Variants in TMTC1 observed in about 807,000 individuals in gnomAD.
The protein encoded by TMTC1 is transmembrane O-mannosyltransferase targeting cadherins 1, also known as protein O-mannosyl-transferase TMTC1.
In TMTC1, 73 loss-of-function variants were observed where a neutral mutation model predicts 104.8. The observed-to-expected ratio is 0.70, with a 90% CI of 0.58 to 0.85. The LOEUF (loss-of-function observed/expected upper bound fraction) is 0.85. Ranked by LOEUF, TMTC1 falls within the 40% of genes least tolerant of loss-of-function variation. The pLI, the probability that TMTC1 is intolerant of heterozygous loss-of-function variation, is 0.00. For missense variants in TMTC1, 1,035 were observed against 1,096.1 expected (o/e 0.94, Z 0.79); for synonymous variants, 434 against 428.7 (o/e 1.01, Z -0.15).
intron 5 of TMTC1, among the ~76,000 whole-genome samples, chr12:29,726,874 T>C (rs1942405638): frequency 1.3e-5 from 2 of 151,630 alleles, no homozygotes; most frequent in Non-Finnish European, 2.9e-5. Flanking sequence ...CCCTTCCAAA[T>C]ATCTACACGA....
intron 5 of TMTC1, among the ~76,000 whole-genome samples, chr12:29,645,295 C>T (rs1188833056): frequency 6.6e-6 from 1 of 152,170 alleles, no homozygotes; most frequent in Non-Finnish European, 1.5e-5. Context: ...GAAGATTCTG[C>T]CTTTTTGTAG....
chr12:29,617,819 G>T (rs574039023), intron 6 of TMTC1, among the ~76,000 whole-genome samples: 2 of 152,282 alleles, frequency 1.3e-5, no homozygotes, highest in East Asian at 3.9e-4. Context: ...AGTGGGGGTT[G>T]GATGGGACCA....
At chr12:29,651,285 T>C (rs1172704960) in intron 5 of TMTC1, among the ~76,000 whole-genome samples, 5 of 152,214 alleles carry the variant, frequency 3.3e-5, no homozygotes, top group Non-Finnish European at 7.3e-5. Flanking sequence ...GAAATAATGA[T>C]GACTGAACTG....
In TMTC1 at chr12:29,512,184, C is replaced by A. The variant is rs984730535; in HGVS notation, c.2431-64G>T. On this transcript the variant is annotated intron_variant, in intron 16 of 17. Coordinates refer to ENST00000539277, the MANE Select transcript of TMTC1 (RefSeq NM_001193451.2). ...CCTCCAAACTCCAGGATTGCAGAAA[C>A]CACTTTCTTCACGTGTGAAAATTTA... 6.1e-5 allele frequency: 82 copies of A among 1,344,448 alleles called. 1 individual carries two copies. In the South Asian group the frequency reaches 1.0e-3, roughly 17 times the overall value. 83.3% of individuals were successfully genotyped at this position (1,344,448 alleles called of 1,614,324 possible). A position where few individuals can be genotyped will look rare whatever the true frequency, so the allele number is the denominator to read the frequency against.
intron 5 of TMTC1, among the ~76,000 whole-genome samples, chr12:29,678,748 C>T (rs1489226075): frequency 1.3e-5 from 2 of 152,010 alleles, no homozygotes; most frequent in East Asian, 3.9e-4. Flanking sequence ...ATGTGAGATG[C>T]TCTAAAGAAC....
At chr12:29,667,386 T>C (rs960561187) in intron 5 of TMTC1, among the ~76,000 whole-genome samples, 13 of 152,242 alleles carry the variant, frequency 8.5e-5, no homozygotes, top group African/African-American at 2.9e-4. Flanking sequence ...AAGGCTATGA[T>C]AAATTTTCCT....
chr12:29,616,252 G>A (rs1946975130), intron 6 of TMTC1, among the ~76,000 whole-genome samples: 1 of 152,182 alleles, frequency 6.6e-6, no homozygotes, highest in Admixed American at 6.5e-5. Flanking sequence ...AACTGCTCTA[G>A]CAGAATGAAA....
intron 5 of TMTC1, among the ~76,000 whole-genome samples, chr12:29,644,343 A>C (rs114935544): frequency 0.013 from 1,915 of 151,618 alleles, 40 homozygotes; most frequent in African/African-American, 0.041. Context: ...ATGACACAAC[A>C]GACTTTGGGG....
chr12:29,520,085 C>T (rs561854381), intron 12 of TMTC1, among the ~76,000 whole-genome samples: 2 of 152,254 alleles, frequency 1.3e-5, no homozygotes, highest in South Asian at 4.1e-4. Context: ...AATTCATGCC[C>T]AGTAATGTTT....
At chr12:29,761,058 G>A (rs1012137790) in intron 2 of TMTC1, among the ~76,000 whole-genome samples, 1 of 147,002 alleles carries the variant, frequency 6.8e-6, no homozygotes, top group African/African-American at 2.5e-5. Flanking sequence ...ATATTAATAA[G>A]TATTATATGT....
At chr12:29,664,946 G>A (rs932052306) in intron 5 of TMTC1, among the ~76,000 whole-genome samples, 4 of 152,124 alleles carry the variant, frequency 2.6e-5, no homozygotes, top group African/African-American at 9.7e-5. Context: ...TAAGGGTCCA[G>A]GGTTCTATTC....
At position 29,745,618 on chromosome 12, in the gene TMTC1, C is replaced by CAAAAAAAAA. The variant is rs71444341; in HGVS notation, c.938+6039_938+6047dup. On this transcript the variant is annotated intron_variant, in intron 5 of 17. Transcript: ENST00000539277. ...CCTGAGCAACAGAGCGAGACTCAAT[C>CAAAAAAAAA]AAAAAAAAAAAAAAAAAAAAAGAAA... 7.1e-3 allele frequency among the ~76,000 whole-genome samples: 593 copies of CAAAAAAAAA among 83,468 alleles called. 7 individuals carry two copies. Among genetic ancestry groups the CAAAAAAAAA allele is most frequent in the Non-Finnish European group, 0.01 (450 of 44,090 alleles). The allele number at this position is 83,468 out of a possible 152,430, so 54.8% of individuals were successfully genotyped here. A position where few individuals can be genotyped will look rare whatever the true frequency, so the allele number is the denominator to read the frequency against.
chr12:29,517,105 C>T (rs1241971010), intron 14 of TMTC1, among the ~76,000 whole-genome samples: 3 of 152,096 alleles, frequency 2.0e-5, no homozygotes, highest in African/African-American at 4.8e-5. Flanking sequence ...CATGTAGGTA[C>T]ATATACATCT....
At chr12:29,707,128 C>A (rs1048954485) in intron 5 of TMTC1, among the ~76,000 whole-genome samples, 1 of 152,048 alleles carries the variant, frequency 6.6e-6, no homozygotes, top group Admixed American at 6.5e-5. Context: ...TGCTTTTCAC[C>A]TCGTGGATGT....
At chr12:29,712,928 G>A (rs11050404) in intron 5 of TMTC1, among the ~76,000 whole-genome samples, 1,926 of 152,144 alleles carry the variant, frequency 0.013, 37 homozygotes, top group African/African-American at 0.043. Flanking sequence ...TCTAGGCTAC[G>A]GTGTTCAGTT....
chr12:29,670,967 GATACCAAGAT>G (rs1940486385), intron 5 of TMTC1, among the ~76,000 whole-genome samples: 1 of 121,878 alleles, frequency 8.2e-6, no homozygotes, highest in Non-Finnish European at 1.8e-5. Flanking sequence ...AGGAATTCAG[GATACCAAGAT>G]ATACCTGATC....
intron 13 of TMTC1, 151 bp downstream of exon 13, chr12:29,518,321 G>A: frequency 2.6e-6 from 2 of 780,624 alleles, no homozygotes; most frequent in Non-Finnish European, 3.9e-6. Flanking sequence ...TTATATTGTG[G>A]TTGCTTTCTT....
At chr12:29,585,484 C>T (rs574091646) in intron 7 of TMTC1, among the ~76,000 whole-genome samples, 137 of 152,268 alleles carry the variant, frequency 9.0e-4, no homozygotes, top group Middle Eastern at 6.8e-3. Context: ...GTTGCCATGG[C>T]TTTTGGTGTT....
chr12:29,592,531 T>G (rs895337593), intron 7 of TMTC1, among the ~76,000 whole-genome samples: 1 of 152,172 alleles, frequency 6.6e-6, no homozygotes, highest in African/African-American at 2.4e-5. Context: ...AAAATGCCAA[T>G]GCTTTCACCT....
Sources: gnomAD v4.1 joint callset for allele counts (sites outside exome capture counted in the v4.1 genomes callset) on GRCh38, gnomAD v4.1.1 for gene constraint, MANE v1.5 for transcripts, NCBI Gene and HGNC (gene_info 2026-07-23, HGNC 2026-07-21) for gene names.